NEK10: variants seen among roughly 807,000 people sequenced by gnomAD.
NEK10 encodes the protein serine/threonine-protein kinase Nek10.
In NEK10, 122 loss-of-function variants were observed where a neutral mutation model predicts 159.8. That is an observed-to-expected ratio of 0.76 (90% CI 0.66 to 0.89). NEK10 has a LOEUF of 0.89. Among genes scored for constraint, NEK10 ranks in the 40% least tolerant of loss-of-function variants. The pLI is 0.00. For synonymous variants in NEK10, 466 were observed against 457.1 expected (o/e 1.02, Z -0.25); for missense variants, 1,342 against 1,323.1 (o/e 1.01, Z -0.22).
intron 7 of NEK10, 148 bp downstream of exon 7, chr3:27,314,149 T>C (rs1398539157): frequency 9.5e-6 from 6 of 631,172 alleles, no homozygotes; most frequent in South Asian, 6.0e-5. Context: ...GTATCATGCC[T>C]CACACTCACA....
Position 27,352,914 on chromosome 3 carries a change from G to T in NEK10, c.-32C>A, listed in dbSNP as rs763922507. The T allele has an allele frequency of 8.0e-6, 12 of 1,508,430 alleles. No homozygotes were observed. Among genetic ancestry groups the T allele is most frequent in the East Asian group, 2.3e-5 (1 of 44,270 alleles). The allele number at this position is 1,508,430 out of a possible 1,614,324, so 93.4% of individuals were successfully genotyped here. A position where few individuals can be genotyped will look rare whatever the true frequency, so the allele number is the denominator to read the frequency against. On this transcript the variant is annotated 5_prime_UTR_variant, in exon 2 of 36. Transcript: ENST00000691995. ...ACATCAATGCCCCAGAATTAACATC[G>T]CATTCCTTTAAAATTAAACCAGAGG... is the stretch of plus-strand genomic sequence containing the variant.
intron 32 of NEK10, among the ~76,000 whole-genome samples, chr3:27,124,646 G>A (rs574706591): frequency 2.0e-5 from 3 of 152,290 alleles, no homozygotes; most frequent in East Asian, 3.9e-4. Context: ...ATGACTTAGC[G>A]GGTAAAAGAA....
At chr3:27,329,109 G>A (rs2046217975) in intron 5 of NEK10, among the ~76,000 whole-genome samples, 1 of 152,136 alleles carries the variant, frequency 6.6e-6, no homozygotes, top group African/African-American at 2.4e-5. Flanking sequence ...TCTTGTGATA[G>A]TGAATGAGTC....
intron 5 of NEK10, among the ~76,000 whole-genome samples, chr3:27,326,746 C>T (rs1027526819): frequency 3.3e-5 from 5 of 152,166 alleles, no homozygotes; most frequent in Non-Finnish European, 7.3e-5. Context: ...TTCTACGCGG[C>T]CTCTGCTGCT....
At chr3:27,280,212 A>G (rs1187762752) in intron 22 of NEK10, among the ~76,000 whole-genome samples, 1 of 152,032 alleles carries the variant, frequency 6.6e-6, no homozygotes, top group Non-Finnish European at 1.5e-5. Context: ...ATTCCAATAA[A>G]TGTGTGGCAG....
At chr3:27,361,740 A>G (rs189895783) in intron 1 of NEK10, among the ~76,000 whole-genome samples, 1 of 152,338 alleles carries the variant, frequency 6.6e-6, no homozygotes, top group African/African-American at 2.4e-5. Context: ...AGAAGACTGA[A>G]TCAACAAATT....
chr3:27,245,619 G>A (rs527885269), intron 23 of NEK10, among the ~76,000 whole-genome samples: 37 of 152,098 alleles, frequency 2.4e-4, no homozygotes, highest in Non-Finnish European at 2.4e-4. Context: ...TGAGTTCAGG[G>A]GAACCAACAG....
At chr3:27,174,923 T>C in intron 26 of NEK10, 90 bp from the exon 27 acceptor site, 2 of 1,048,000 alleles carry the variant, frequency 1.9e-6, no homozygotes, top group Non-Finnish European at 2.8e-6. Context: ...ATTAACTGCT[T>C]CAAATATCAA....
At position 27,110,634 on chromosome 3, in the gene NEK10, A is replaced by G. The variant is rs1427883397; in HGVS notation, c.*638T>C. On this transcript the variant is annotated 3_prime_UTR_variant, in exon 36 of 36. Transcript: ENST00000691995. The stretch of plus-strand genomic sequence containing the variant: ...CTGACAGTTTGACAGTTACCCCCAG[A>G]GGCTGTGCAAGGTTACAAATACTGT... 1.3e-5 allele frequency: 2 copies of G among 152,188 alleles called. No homozygotes were observed. The highest frequency in any genetic ancestry group is 2.4e-5 in the African/African-American group (1 of 41,424). The allele number at this position is 152,188 out of a possible 1,614,324, so 9.4% of individuals were successfully genotyped here.
In NEK10 at chr3:27,220,843, C is replaced by T. The variant is rs9836372; in HGVS notation, c.2091-18286G>A. Among the ~76,000 whole-genome samples, 459 of 152,188 alleles carry T rather than the reference C, an allele frequency of 3.0e-3. 2 individuals are homozygous for T. Among genetic ancestry groups the T allele is most frequent in the African/African-American group, 0.01 (433 of 41,516 alleles). The stretch of plus-strand genomic sequence containing the variant: ...ATGCATATAGATTGATAAAATAAAA[C>T]TGAGAAGCCCTTGAGAAATAAACCT... On this transcript the variant is annotated intron_variant, in intron 23 of 35. Coordinates refer to ENST00000691995, the MANE Select transcript of NEK10 (RefSeq NM_001394966.1).
intron 18 of NEK10, 100 bp from the exon 19 acceptor site, chr3:27,290,854 A>C (rs1179591621): frequency 1.2e-6 from 1 of 859,090 alleles, no homozygotes; most frequent in Non-Finnish European, 1.8e-6. Flanking sequence ...TCACATGAGT[A>C]ACTAAGTCAT....
chr3:27,116,995 A>T (rs1940545134), intron 33 of NEK10, among the ~76,000 whole-genome samples: 1 of 151,986 alleles, frequency 6.6e-6, no homozygotes, highest in South Asian at 2.1e-4. Flanking sequence ...CCACCCCAAC[A>T]GGCCCCAGTG....
At chr3:27,231,861 C>G (rs893578973) in intron 23 of NEK10, among the ~76,000 whole-genome samples, 1 of 151,102 alleles carries the variant, frequency 6.6e-6, no homozygotes, top group Non-Finnish European at 1.5e-5. Context: ...ACACTGCCAA[C>G]AAAAAGCCAG....
intron 22 of NEK10, among the ~76,000 whole-genome samples, chr3:27,256,916 T>A (rs903971239): frequency 8.6e-5 from 7 of 81,320 alleles, no homozygotes; most frequent in Non-Finnish European, 1.1e-4. Flanking sequence ...TTCTCTCTTT[T>A]TTTTTTTTTT....
chr3:27,272,759 A>G (rs2149403283), intron 22 of NEK10, among the ~76,000 whole-genome samples: 1 of 152,312 alleles, frequency 6.6e-6, no homozygotes, highest in South Asian at 2.1e-4. Context: ...ACCATCCATG[A>G]TGACACAGAC....
At chr3:27,262,144 A>T (rs1559383190) in intron 22 of NEK10, among the ~76,000 whole-genome samples, 1 of 152,124 alleles carries the variant, frequency 6.6e-6, no homozygotes. Context: ...TTCTTTAAGA[A>T]TGTTGAATAT....
chr3:27,200,169 G>C (rs554170706), intron 25 of NEK10, among the ~76,000 whole-genome samples: 2 of 152,012 alleles, frequency 1.3e-5, no homozygotes, highest in Non-Finnish European at 2.9e-5. Context: ...GCCAAAGAAA[G>C]AAAGGTTTAG....
chr3:27,362,627 A>G (rs1402252742), intron 1 of NEK10, among the ~76,000 whole-genome samples: 1 of 149,574 alleles, frequency 6.7e-6, no homozygotes, highest in African/African-American at 2.5e-5. Flanking sequence ...AAAAACTGCA[A>G]TTACTTTTGC....
At chr3:27,177,620 T>C (rs566710359) in intron 26 of NEK10, among the ~76,000 whole-genome samples, 1 of 152,282 alleles carries the variant, frequency 6.6e-6, no homozygotes, top group Admixed American at 6.5e-5. Context: ...ATTGATATAA[T>C]TTTTGACCTT....
Sources: allele counts gnomAD v4.1 joint callset (sites outside exome capture counted in the v4.1 genomes callset), GRCh38; gene constraint gnomAD v4.1.1; transcripts MANE v1.5; gene names NCBI Gene and HGNC (gene_info 2026-07-23, HGNC 2026-07-21).